Variants in NEK1 observed in about 807,000 individuals in gnomAD.
NEK1 encodes serine/threonine-protein kinase Nek1.
Under a neutral mutation model 182.1 loss-of-function variants are expected in NEK1, and 137 were observed. The ratio of observed to expected loss-of-function variants is 0.75; its 90% CI spans 0.65 to 0.87. NEK1 has a LOEUF of 0.87. Among genes scored for constraint, NEK1 ranks in the 40% least tolerant of loss-of-function variants. The pLI is 0.00. For synonymous variants in NEK1, 513 were observed against 492.2 expected, an observed-to-expected ratio of 1.04 and a Z score of -0.56; for missense variants, 1,391 against 1,494.4, an observed-to-expected ratio of 0.93 and a Z score of 1.14.
chr4:169,594,483 C>G (rs963244074), intron 5 of NEK1, among the ~76,000 whole-genome samples: 3 of 152,292 alleles, frequency 2.0e-5, no homozygotes, highest in African/African-American at 7.2e-5. Flanking sequence ...GTGTAATTTG[C>G]TCAAAGAGTA....
intron 18 of NEK1, among the ~76,000 whole-genome samples, chr4:169,543,762 T>C (rs1373353556): frequency 6.6e-6 from 1 of 152,164 alleles, no homozygotes; most frequent in African/African-American, 2.4e-5. Flanking sequence ...TGAATGGGAG[T>C]TGACTCATAA....
Position 169,407,183 on chromosome 4 carries a change from C to T in NEK1, c.3223-436G>A, listed in dbSNP as rs1052986211. 2.6e-5 allele frequency among the ~76,000 whole-genome samples: 4 copies of T among 152,142 alleles called. No homozygotes were observed. The East Asian group carries it at 5.8e-4, about 22-fold the overall frequency. ...CTTCTCACTCACGACCCATTTGTTCCGCTTTCACGGTGTTTCTGCTAAGTG... is the reference window on the plus strand; with the variant it reads ...CTTCTCACTCACGACCCATTTGTTCTGCTTTCACGGTGTTTCTGCTAAGTG... On this transcript the variant is annotated intron_variant, in intron 31 of 35. Transcript: ENST00000507142.
intron 29 of NEK1, among the ~76,000 whole-genome samples, chr4:169,429,357 G>A (rs1400491009): frequency 6.6e-6 from 1 of 152,142 alleles, no homozygotes; most frequent in South Asian, 2.1e-4. Flanking sequence ...GATCTGAAGA[G>A]TAGATACCAA....
intron 28 of NEK1, among the ~76,000 whole-genome samples, chr4:169,435,231 G>A (rs544400449): frequency 2.0e-5 from 3 of 150,294 alleles, no homozygotes; most frequent in Non-Finnish European, 3.0e-5. Flanking sequence ...CCTTGTATCC[G>A]TATGTGGTAG....
chr4:169,436,895 T>A (rs1435189853), intron 28 of NEK1, among the ~76,000 whole-genome samples: 1 of 152,042 alleles, frequency 6.6e-6, no homozygotes, highest in Non-Finnish European at 1.5e-5. Flanking sequence ...TAGAGAAGAG[T>A]CTGTCTCAGA....
chr4:169,513,161 A>G (rs555047529), intron 19 of NEK1, among the ~76,000 whole-genome samples: 1 of 152,186 alleles, frequency 6.6e-6, no homozygotes, highest in African/African-American at 2.4e-5. Context: ...GAATTGCATT[A>G]TCTCTCCAAT....
rs1240866187 is a variant in NEK1, at chr4:169,400,754, G to A, written c.3584-103C>T. On this transcript the variant is annotated intron_variant, in intron 33 of 35. Coordinates refer to ENST00000507142, the MANE Select transcript of NEK1 (RefSeq NM_001199397.3). Reference sequence around the variant, plus strand: ...ACAAATGAATAATGCCATTGAAATAGACTACTTCTACTTTCATTATAAACA... The same window carrying A: ...ACAAATGAATAATGCCATTGAAATAAACTACTTCTACTTTCATTATAAACA... 12 of 757,366 alleles carry A rather than the reference G, an allele frequency of 1.6e-5. No homozygotes were observed. In the East Asian group the frequency reaches 3.0e-4, roughly 19 times the overall value. 46.9% of individuals were successfully genotyped at this position (757,366 alleles called of 1,614,324 possible).
intron 35 of NEK1, among the ~76,000 whole-genome samples, chr4:169,396,394 A>AAAAAAG (rs1561111795): frequency 1.4e-5 from 2 of 142,366 alleles, no homozygotes; most frequent in African/African-American, 2.7e-5. Context: ...AAAAAAAAAA[A>AAAAAAG]AAGAAGAATC....
Position 169,561,713 on chromosome 4 carries a change from G to C in NEK1, c.1165C>G (p.Gln389Glu), listed in dbSNP as rs1164087294. The stretch of plus-strand genomic sequence containing the variant: ...CTTTCCTTTTCTTGCCTTTTCATTT[G>C]TTCAGCCTTCATTAAACTAATAATC... Reference protein sequence around the residue: ...DQIISLMKAEQMKRQEKERLE... With the variant: ...DQIISLMKAEEMKRQEKERLE... The change falls in exon 15 of 36, where the codon CAA becomes GAA. Residue 389 changes from glutamine (Q) to glutamate (E), a missense_variant. Coordinates refer to ENST00000507142, the MANE Select transcript of NEK1 (RefSeq NM_001199397.3). 6.4e-7 allele frequency: 1 copy of C among 1,571,168 alleles called. No individual in the cohort carries two copies. The highest frequency in any genetic ancestry group is 1.4e-5 in the African/African-American group (1 of 73,526).
chr4:169,422,753 G>A (rs1735701974), intron 31 of NEK1, among the ~76,000 whole-genome samples: 1 of 152,104 alleles, frequency 6.6e-6, no homozygotes, highest in Admixed American at 6.5e-5. Flanking sequence ...TCCAGAGTAA[G>A]TTCTTCTATA....
At chr4:169,455,347 C>T (rs1424906344) in intron 27 of NEK1, among the ~76,000 whole-genome samples, 2 of 150,686 alleles carry the variant, frequency 1.3e-5, no homozygotes, top group East Asian at 3.9e-4. Flanking sequence ...AAAGAAGACT[C>T]AATGAACAGT....
intron 5 of NEK1, among the ~76,000 whole-genome samples, chr4:169,594,942 A>G (rs1769184227): frequency 6.6e-6 from 1 of 152,190 alleles, no homozygotes; most frequent in Middle Eastern, 3.2e-3. Flanking sequence ...CCAACAGAGC[A>G]TTTTATTCTA....
chr4:169,521,634 G>A (rs1300668410), intron 19 of NEK1, among the ~76,000 whole-genome samples: 1 of 152,172 alleles, frequency 6.6e-6, no homozygotes, highest in Non-Finnish European at 1.5e-5. Context: ...AATTCTTTTA[G>A]TTTCCTGCAT....
intron 23 of NEK1, among the ~76,000 whole-genome samples, chr4:169,492,662 C>T (rs914018093): frequency 5.3e-5 from 8 of 152,182 alleles, no homozygotes; most frequent in Non-Finnish European, 8.8e-5. Flanking sequence ...CCTGTGGTGC[C>T]ACTCCCCTTG....
At chr4:169,503,365 T>TA (rs1377588945) in intron 23 of NEK1, among the ~76,000 whole-genome samples, 3 of 151,610 alleles carry the variant, frequency 2.0e-5, no homozygotes, top group Non-Finnish European at 4.4e-5. Context: ...TTGTAAAAAA[T>TA]AAAAAAACCT....
At chr4:169,449,375 C>G (rs776113289) in intron 27 of NEK1, among the ~76,000 whole-genome samples, 22 of 152,340 alleles carry the variant, frequency 1.4e-4, no homozygotes, top group African/African-American at 4.8e-4. Context: ...CTGACCCCCA[C>G]GCAGCCTAAC....
chr4:169,401,464 T>C (rs1283149622), intron 33 of NEK1, among the ~76,000 whole-genome samples, 188 bp downstream of exon 33: 4 of 151,822 alleles, frequency 2.6e-5, no homozygotes, highest in Non-Finnish European at 5.9e-5. Context: ...AATAAAAACT[T>C]TAATAAAAAA....
intron 23 of NEK1, among the ~76,000 whole-genome samples, chr4:169,503,420 TC>T (rs1359874286): frequency 6.6e-6 from 1 of 152,036 alleles, no homozygotes; most frequent in African/African-American, 2.4e-5. Context: ...GCCAAAGTTA[TC>T]CTGAGCAAAA....
chr4:169,419,504 T>C lies in NEK1; in HGVS notation c.3222+5049A>G, dbSNP rs573181761. Reference sequence around the variant, plus strand: ...AATACTTTCCAATTTCTGACTTCTGTAAAAGATAAATGAATGTTTAAGCAA... The same window carrying C: ...AATACTTTCCAATTTCTGACTTCTGCAAAAGATAAATGAATGTTTAAGCAA... On this transcript the variant is annotated intron_variant, in intron 31 of 35. Coordinates refer to ENST00000507142, the MANE Select transcript of NEK1 (RefSeq NM_001199397.3). Among the ~76,000 whole-genome samples the C allele has an allele frequency of 3.3e-5, 5 of 152,278 alleles. No individual in the cohort carries two copies. In the South Asian group the frequency reaches 1.0e-3, roughly 32 times the overall value.
Sources: gnomAD v4.1 joint callset for allele counts (sites outside exome capture counted in the v4.1 genomes callset) on GRCh38, gnomAD v4.1.1 for gene constraint, MANE v1.5 for transcripts, NCBI Gene and HGNC (gene_info 2026-07-23, HGNC 2026-07-21) for gene names.